IGSF21: variants seen among roughly 807,000 people sequenced by gnomAD.
IGSF21 encodes immunoglobin superfamily member 21.
IGSF21 carries 28 observed loss-of-function variants against 46.8 expected under a neutral mutation model. That is an observed-to-expected ratio of 0.60 (90% CI 0.44 to 0.82). The LOEUF is 0.82. IGSF21 is among the 40% of genes least tolerant of loss of function. IGSF21 has a pLI of 0.00. For missense variants in IGSF21, 624 were observed against 665.5 expected, an observed-to-expected ratio of 0.94 and a Z score of 0.69; for synonymous variants, 284 against 273.6, an observed-to-expected ratio of 1.04 and a Z score of -0.38.
chr1:18,323,010 G>T (rs577177194), intron 3 of IGSF21, among the ~76,000 whole-genome samples: 1 of 152,314 alleles, frequency 6.6e-6, no homozygotes, highest in Non-Finnish European at 1.5e-5. Flanking sequence ...GGGCAGGAAA[G>T]AGCGGTCGGG....
intron 1 of IGSF21, among the ~76,000 whole-genome samples, chr1:18,116,429 A>T (rs1211385578): frequency 6.6e-6 from 1 of 152,226 alleles, no homozygotes; most frequent in Non-Finnish European, 1.5e-5. Flanking sequence ...TCTGAGTCAT[A>T]GTTTCCCTGT....
intron 1 of IGSF21, among the ~76,000 whole-genome samples, chr1:18,136,875 T>C (rs914964759): frequency 1.3e-5 from 2 of 152,170 alleles, no homozygotes; most frequent in East Asian, 1.9e-4. Flanking sequence ...GATATTGATT[T>C]TTCCTACCCA....
At chr1:18,211,030 C>T (rs1308034123) in intron 1 of IGSF21, among the ~76,000 whole-genome samples, 1 of 152,094 alleles carries the variant, frequency 6.6e-6, no homozygotes, top group East Asian at 1.9e-4. Flanking sequence ...CACCAACACA[C>T]CCAGCTAATT....
intron 1 of IGSF21, among the ~76,000 whole-genome samples, chr1:18,199,013 T>C (rs755362691): frequency 2.6e-5 from 4 of 152,062 alleles, no homozygotes; most frequent in Non-Finnish European, 4.4e-5. Flanking sequence ...CCCCTGCCCA[T>C]CTCACTGGTC....
At chr1:18,176,474 A>G (rs1022863440) in intron 1 of IGSF21, among the ~76,000 whole-genome samples, 1 of 152,204 alleles carries the variant, frequency 6.6e-6, no homozygotes, top group African/African-American at 2.4e-5. Context: ...TCCCATCTGC[A>G]AAAGGAGTCA....
At chr1:18,311,195 G>C (rs982797579) in intron 3 of IGSF21, among the ~76,000 whole-genome samples, 1 of 152,168 alleles carries the variant, frequency 6.6e-6, no homozygotes, top group African/African-American at 2.4e-5. Flanking sequence ...CCCACATCCT[G>C]TGTGTCCCCC....
chr1:18,326,522 T>A (rs2085659809), intron 3 of IGSF21, among the ~76,000 whole-genome samples: 1 of 152,220 alleles, frequency 6.6e-6, no homozygotes, highest in Admixed American at 6.5e-5. Flanking sequence ...ATCTCTTCAT[T>A]AAAGCACAGC....
At chr1:18,372,826 ATGGATGGAT>A (rs2086241055) in intron 6 of IGSF21, among the ~76,000 whole-genome samples, 2 of 115,200 alleles carry the variant, frequency 1.7e-5, no homozygotes, top group African/African-American at 7.4e-5. Context: ...GGATATTTGG[ATGGATGGAT>A]GGATGGATGG....
chr1:18,378,025 C>A (rs1445352602), intron 9 of IGSF21, among the ~76,000 whole-genome samples: 1 of 152,180 alleles, frequency 6.6e-6, no homozygotes, highest in Admixed American at 6.5e-5. Context: ...CACTCTTGGT[C>A]CTCACTGCAC....
chr1:18,140,700 G>T (rs2086407943), intron 1 of IGSF21, among the ~76,000 whole-genome samples: 1 of 152,154 alleles, frequency 6.6e-6, no homozygotes, highest in South Asian at 2.1e-4. Context: ...CAGCTCAGTG[G>T]TCACCTCTTC....
chr1:18,177,369 G>T (rs148167712), intron 1 of IGSF21, among the ~76,000 whole-genome samples: 2 of 152,172 alleles, frequency 1.3e-5, no homozygotes, highest in African/African-American at 4.8e-5. Context: ...GACTGTGGTC[G>T]TGTGTGGGGA....
At chr1:18,298,550 G>C (rs1438377634) in intron 3 of IGSF21, among the ~76,000 whole-genome samples, 1 of 152,218 alleles carries the variant, frequency 6.6e-6, no homozygotes, top group African/African-American at 2.4e-5. Context: ...GCGGGGCAGG[G>C]TGGACCTGGG....
At chr1:18,195,898 T>C (rs1249646186) in intron 1 of IGSF21, among the ~76,000 whole-genome samples, 2 of 152,162 alleles carry the variant, frequency 1.3e-5, no homozygotes, top group Non-Finnish European at 1.5e-5. Flanking sequence ...GTCCAGACTA[T>C]GGTATGGGAG....
In IGSF21 at chr1:18,376,221, A is replaced by G. The variant is rs1030455378; in HGVS notation, c.1016-89A>G. The G allele has an allele frequency of 3.4e-6, 3 of 881,062 alleles. No individual in the cohort carries two copies. The African/African-American group carries it at 4.9e-5, about 14-fold the overall frequency. The allele number at this position is 881,062 out of a possible 1,614,324, so 54.6% of individuals were successfully genotyped here. A position where few individuals can be genotyped will look rare whatever the true frequency, so the allele number is the denominator to read the frequency against. On this transcript the variant is annotated intron_variant, in intron 6 of 9. Coordinates refer to ENST00000251296, the MANE Select transcript of IGSF21 (RefSeq NM_032880.5). ...CTCACAGAAGCAGCTGATCCCAAGGATGTTGATTGCTAGACTAGAACTTTC... is the reference window on the plus strand; with the variant it reads ...CTCACAGAAGCAGCTGATCCCAAGGGTGTTGATTGCTAGACTAGAACTTTC...
chr1:18,289,240 G>A (rs553402360), intron 2 of IGSF21, among the ~76,000 whole-genome samples: 3 of 152,324 alleles, frequency 2.0e-5, no homozygotes, highest in Non-Finnish European at 4.4e-5. Context: ...GTACCTGAAG[G>A]GAGGTGAGGC....
chr1:18,185,835 G>A (rs1040946575), intron 1 of IGSF21, among the ~76,000 whole-genome samples: 1 of 152,206 alleles, frequency 6.6e-6, no homozygotes, highest in African/African-American at 2.4e-5. Flanking sequence ...AGCTGGTCAT[G>A]TGTTTGTTGC....
chr1:18,350,477 G>T (rs904597341), intron 4 of IGSF21, among the ~76,000 whole-genome samples: 2 of 152,192 alleles, frequency 1.3e-5, no homozygotes, highest in Non-Finnish European at 1.5e-5. Context: ...GCCTCACCAA[G>T]CTCTTTACAA....
intron 1 of IGSF21, among the ~76,000 whole-genome samples, chr1:18,178,331 C>T (rs2124466642): frequency 6.6e-6 from 1 of 152,278 alleles, no homozygotes; most frequent in East Asian, 1.9e-4. Flanking sequence ...ATAAAGAGGT[C>T]CCTTGGCCAC....
chr1:18,368,683 C>T (rs147733052), intron 6 of IGSF21, among the ~76,000 whole-genome samples: 1 of 152,268 alleles, frequency 6.6e-6, no homozygotes, highest in East Asian at 1.9e-4. Context: ...CCTTCCATGG[C>T]CTCTTCCTCC....
Sources: gnomAD v4.1 joint callset for allele counts (sites outside exome capture counted in the v4.1 genomes callset) on GRCh38, gnomAD v4.1.1 for gene constraint, MANE v1.5 for transcripts, NCBI Gene and HGNC (gene_info 2026-07-23, HGNC 2026-07-21) for gene names.